The following NOX4 variants were observed in gnomAD, a reference collection of about 807,000 sequenced individuals.
The protein encoded by NOX4 is NADPH oxidase 4, also known as kidney oxidase-1.
A neutral mutation model predicts 87.6 loss-of-function variants in NOX4; 69 were observed. That is an observed-to-expected ratio of 0.79 (90% CI 0.65 to 0.96). The LOEUF is 0.96. Ranked by LOEUF, NOX4 falls within the 40% of genes least tolerant of loss-of-function variation. The probability of loss-of-function intolerance (pLI) is 0.00; values close to 1 mark genes in which losing one functional copy is unlikely to be tolerated. For missense variants in NOX4, 680 were observed against 681.5 expected (o/e 1.00, Z 0.02); for synonymous variants, 275 against 238.2 (o/e 1.15, Z -1.42).
chr11:89,539,884 C>T, the NOX4 span, among the ~76,000 whole-genome samples: 1 of 151,726 alleles, frequency 6.6e-6, no homozygotes, highest in African/African-American at 2.4e-5. Flanking sequence ...CATTTTAATT[C>T]ACCTTAATCT....
At chr11:89,488,152 T>G (rs1420614776) in intron 2 of NOX4, among the ~76,000 whole-genome samples, 2 of 152,076 alleles carry the variant, frequency 1.3e-5, no homozygotes, top group East Asian at 3.9e-4. Flanking sequence ...AGCTCAAATA[T>G]CAACTCACTA....
chr11:89,383,955 CCACTCAA>C (rs1940495282), intron 11 of NOX4, among the ~76,000 whole-genome samples: 1 of 152,094 alleles, frequency 6.6e-6, no homozygotes, highest in African/African-American at 2.4e-5. Context: ...CACCTTTAAC[CCACTCAA>C]CACCAATATC....
At chr11:89,494,414 A>G (rs1307891605), upstream of NOX4, among the ~76,000 whole-genome samples, 1 of 152,198 alleles carries the variant, frequency 6.6e-6, no homozygotes, top group Non-Finnish European at 1.5e-5. Flanking sequence ...CTTTCTACAT[A>G]ATCATTACTG....
At chr11:89,534,897 G>A in the NOX4 span, among the ~76,000 whole-genome samples, 1 of 152,182 alleles carries the variant, frequency 6.6e-6, no homozygotes, top group Non-Finnish European at 1.5e-5. Context: ...GTGACTGCTT[G>A]TGTCTAGTAG....
intron 11 of NOX4, 54 bp downstream of exon 11, chr11:89,399,963 A>G: frequency 7.3e-7 from 1 of 1,361,142 alleles, no homozygotes; most frequent in Non-Finnish European, 1.0e-6. Flanking sequence ...ACAAAAAAAG[A>G]AAAATATGCA....
the NOX4 span, among the ~76,000 whole-genome samples, chr11:89,514,061 C>T: frequency 6.6e-6 from 1 of 151,938 alleles, no homozygotes; most frequent in Non-Finnish European, 1.5e-5. Context: ...ATATGATATT[C>T]TATTAAAGCA....
chr11:89,483,969 T>C (rs1014260433), intron 2 of NOX4, among the ~76,000 whole-genome samples: 1 of 152,096 alleles, frequency 6.6e-6, no homozygotes, highest in South Asian at 2.1e-4. Context: ...TAGCAAGTTA[T>C]AGAACCCCTC....
At chr11:89,429,239 T>G (rs988223430) in intron 7 of NOX4, among the ~76,000 whole-genome samples, 1 of 152,160 alleles carries the variant, frequency 6.6e-6, no homozygotes, top group African/African-American at 2.4e-5. Context: ...TAGCACTAAA[T>G]GTCCACAAGA....
At chr11:89,415,483 C>T (rs191165492) in intron 8 of NOX4, among the ~76,000 whole-genome samples, 215 of 152,220 alleles carry the variant, frequency 1.4e-3, no homozygotes, top group African/African-American at 4.9e-3. Flanking sequence ...TTAAAAACTT[C>T]AGTTCCATAT....
upstream of NOX4, among the ~76,000 whole-genome samples, chr11:89,502,195 C>A (rs951269259): frequency 6.6e-6 from 1 of 152,018 alleles, no homozygotes; most frequent in South Asian, 2.1e-4. Context: ...GGCAAACTGA[C>A]AGACTGATAC....
intron 7 of NOX4, among the ~76,000 whole-genome samples, chr11:89,428,198 C>G (rs1048751053): frequency 6.6e-6 from 1 of 152,150 alleles, no homozygotes; most frequent in South Asian, 2.1e-4. Context: ...CAGGCCTCCC[C>G]TAAAAGAGCT....
rs1474341714 is a variant in NOX4, at chr11:89,373,291, A to AC, written c.1135+140_1135+141insG. The AC allele has an allele frequency of 1.4e-5, 7 of 484,720 alleles. No homozygotes were observed. In the Admixed American group the frequency reaches 1.7e-4, roughly 12 times the overall value. 30.0% of individuals were successfully genotyped at this position (484,720 alleles called of 1,614,324 possible). On this transcript the variant is annotated intron_variant, in intron 12 of 17. Transcript: ENST00000263317. ...AACTGTACAAGCAAAAAAAAAAAAA[A>AC]AAAAAAACAAAAAAAAACCCAGAAC...
At chr11:89,432,188 C>T (rs894280732) in intron 7 of NOX4, among the ~76,000 whole-genome samples, 3 of 151,814 alleles carry the variant, frequency 2.0e-5, no homozygotes, top group Non-Finnish European at 4.4e-5. Flanking sequence ...ACATCACACA[C>T]CGGGGCCTGT....
At chr11:89,516,353 TA>T in the NOX4 span, among the ~76,000 whole-genome samples, 13 of 152,122 alleles carry the variant, frequency 8.5e-5, no homozygotes, top group African/African-American at 3.1e-4. Flanking sequence ...AGAGACTCGA[TA>T]TGCTTCACAA....
the NOX4 span, among the ~76,000 whole-genome samples, chr11:89,560,197 G>A: frequency 6.6e-6 from 1 of 152,086 alleles, no homozygotes; most frequent in Non-Finnish European, 1.5e-5. Context: ...TGATGACAGA[G>A]ACAGAGATTG....
intron 7 of NOX4, among the ~76,000 whole-genome samples, chr11:89,427,323 C>G: frequency 6.6e-6 from 1 of 152,134 alleles, no homozygotes; most frequent in East Asian, 1.9e-4. Context: ...CGCCTCTCCC[C>G]CTCCAAAGGA....
At chr11:89,386,154 T>C (rs1246643855) in intron 11 of NOX4, among the ~76,000 whole-genome samples, 1 of 152,208 alleles carries the variant, frequency 6.6e-6, no homozygotes, top group Non-Finnish European at 1.5e-5. Context: ...CTCAGGATGC[T>C]ACAGGGTATA....
At chr11:89,558,420 A>G in the NOX4 span, among the ~76,000 whole-genome samples, 1 of 151,968 alleles carries the variant, frequency 6.6e-6, no homozygotes, top group African/African-American at 2.4e-5. Context: ...CCATTTGGCC[A>G]TGCTTGATAA....
chr11:89,572,864 G>A, the NOX4 span, among the ~76,000 whole-genome samples: 1 of 151,758 alleles, frequency 6.6e-6, no homozygotes, highest in Non-Finnish European at 1.5e-5. Flanking sequence ...TTAGTATTTG[G>A]CTTTAAATCT....
Sources: allele counts gnomAD v4.1 joint callset (sites outside exome capture counted in the v4.1 genomes callset), GRCh38; gene constraint gnomAD v4.1.1; transcripts MANE v1.5; gene names NCBI Gene and HGNC (gene_info 2026-07-23, HGNC 2026-07-21).